SCN11A: variants seen among roughly 807,000 people sequenced by gnomAD.
SCN11A encodes sodium channel protein type 11 subunit alpha.
In SCN11A, 122 loss-of-function variants were observed where a neutral mutation model predicts 162.2. That is an observed-to-expected ratio of 0.75 (90% CI 0.65 to 0.87). SCN11A has a LOEUF of 0.87. Among genes scored for constraint, SCN11A ranks in the 40% least tolerant of loss-of-function variants. SCN11A has a pLI of 0.00. For missense variants in SCN11A, 2,015 were observed against 2,181.6 expected (o/e 0.92, Z 1.52); for synonymous variants, 758 against 751.5 (o/e 1.01, Z -0.14).
intron 19 of SCN11A, among the ~76,000 whole-genome samples, chr3:38,893,889 A>G (rs929687781): frequency 2.0e-5 from 3 of 152,202 alleles, no homozygotes; most frequent in Non-Finnish European, 4.4e-5. Context: ...AGAGAAATTT[A>G]TAGCTATCAA....
intron 27 of SCN11A, among the ~76,000 whole-genome samples, chr3:38,865,599 C>A (rs1296943291): frequency 6.8e-6 from 1 of 146,748 alleles, no homozygotes; most frequent in African/African-American, 2.5e-5. Context: ...GCCTTTAGTT[C>A]ATAAGTACAA....
intron 19 of SCN11A, among the ~76,000 whole-genome samples, chr3:38,886,741 G>A (rs2065406922): frequency 6.6e-6 from 1 of 151,946 alleles, no homozygotes; most frequent in Non-Finnish European, 1.5e-5. Flanking sequence ...GGTACAGAGA[G>A]TTTCCTTAGC....
intron 28 of SCN11A, among the ~76,000 whole-genome samples, chr3:38,855,724 C>T (rs965427894): frequency 3.3e-5 from 5 of 152,164 alleles, no homozygotes; most frequent in Non-Finnish European, 7.3e-5. Context: ...AGTCTGTCCA[C>T]GTGACAACTT....
chr3:38,988,965 T>C (rs2030363633), intron 2 of SCN11A, among the ~76,000 whole-genome samples: 3 of 152,164 alleles, frequency 2.0e-5, no homozygotes, highest in Non-Finnish European at 4.4e-5. Context: ...CTGCATATTC[T>C]TTGGCACCAC....
At chr3:38,970,907 G>A (rs956611750) in intron 2 of SCN11A, among the ~76,000 whole-genome samples, 4 of 152,188 alleles carry the variant, frequency 2.6e-5, no homozygotes, top group Non-Finnish European at 4.4e-5. Context: ...CAGACTACCT[G>A]ATCTCCCAAT....
At chr3:38,984,020 T>C (rs2030148347) in intron 2 of SCN11A, among the ~76,000 whole-genome samples, 1 of 152,232 alleles carries the variant, frequency 6.6e-6, no homozygotes, top group African/African-American at 2.4e-5. Flanking sequence ...CATTTCTAAA[T>C]CTTTTTAGTC....
chr3:38,897,285 T>A (rs2126118547), intron 17 of SCN11A, 60 bp from the exon 18 acceptor site: 1 of 1,511,060 alleles, frequency 6.6e-7, no homozygotes, highest in Middle Eastern at 1.8e-4. Flanking sequence ...AAACTCCATC[T>A]GCTCATCTAT....
At chr3:39,042,630 T>C (rs374862929) in intron 1 of SCN11A, among the ~76,000 whole-genome samples, 2 of 151,866 alleles carry the variant, frequency 1.3e-5, no homozygotes, top group South Asian at 2.1e-4. Flanking sequence ...TAAACACTTC[T>C]ATAGGGAAAA....
rs187324352 is a variant in SCN11A, at chr3:38,933,060, G to A, written c.489-6129C>T. 3.9e-5 allele frequency among the ~76,000 whole-genome samples: 6 copies of A among 152,314 alleles called. No individual in the cohort carries two copies. In the East Asian group the frequency reaches 1.2e-3, roughly 29 times the overall value. ...AAATGATCAGACAGCAGCATTCGCG[G>A]TTCACAAAAATCCGCTGTTCTGCAG... On this transcript the variant is annotated intron_variant, in intron 7 of 29. Coordinates refer to ENST00000302328, the MANE Select transcript of SCN11A (RefSeq NM_001349253.2).
At chr3:38,895,839 T>A (rs1204660985) in intron 18 of SCN11A, among the ~76,000 whole-genome samples, 1 of 152,216 alleles carries the variant, frequency 6.6e-6, no homozygotes, top group Non-Finnish European at 1.5e-5. Context: ...CTCCCACTGG[T>A]GATGCCCTGT....
chr3:38,907,357 T>TACAC (rs376599495), intron 14 of SCN11A, among the ~76,000 whole-genome samples: 10,319 of 128,256 alleles, frequency 0.08, 589 homozygotes, highest in East Asian at 0.19. Flanking sequence ...TATCTATATA[T>TACAC]ACACACACAC....
rs140203864 is a variant in SCN11A, at chr3:38,946,546, C to T, written c.386+243G>A. On this transcript the variant is annotated intron_variant, in intron 6 of 29. Transcript: ENST00000302328. ...GCCTCTCCCTGCTACCACTTTCACA[C>T]GACCAATCTCACTAAAGAAGTTGCC... 1.2e-4 allele frequency among the ~76,000 whole-genome samples: 19 copies of T among 152,318 alleles called. No individual in the cohort carries two copies. In the East Asian group the frequency reaches 2.3e-3, roughly 19 times the overall value.
At chr3:38,974,124 A>C (rs1374279757) in intron 2 of SCN11A, among the ~76,000 whole-genome samples, 3 of 152,232 alleles carry the variant, frequency 2.0e-5, no homozygotes, top group African/African-American at 7.2e-5. Context: ...AAAATGTAAA[A>C]ACTAATAGAA....
chr3:38,935,720 C>T lies in SCN11A; in HGVS notation c.489-8789G>A, dbSNP rs9683315. Among the ~76,000 whole-genome samples the T allele has an allele frequency of 2.0e-5, 3 of 151,098 alleles. No individual in the cohort carries two copies. In the East Asian group the frequency reaches 5.8e-4, roughly 29 times the overall value. On this transcript the variant is annotated intron_variant, in intron 7 of 29. Transcript: ENST00000302328. ...AATAGACCAATAACAGGCTCTGAAACTGTGGCAATAGCTTACCAACCAAAA... is the reference window on the plus strand; with the variant it reads ...AATAGACCAATAACAGGCTCTGAAATTGTGGCAATAGCTTACCAACCAAAA...
chr3:38,936,748 C>A (rs940352963), intron 7 of SCN11A, among the ~76,000 whole-genome samples: 14 of 152,180 alleles, frequency 9.2e-5, no homozygotes, highest in Non-Finnish European at 1.6e-4. Flanking sequence ...AAGAACATTC[C>A]ATGCTCATGG....
rs6809309 is a variant in SCN11A, at chr3:38,868,621, G to A, written c.3814-1163C>T. On this transcript the variant is annotated intron_variant, in intron 26 of 29. Coordinates refer to ENST00000302328, the MANE Select transcript of SCN11A (RefSeq NM_001349253.2). ...TCAAAGCTCACCCAATTTGTTCATA[G>A]GAAATGTAGGAAAAATAAACAGAGA... is the stretch of plus-strand genomic sequence containing the variant. 8.1e-3 allele frequency among the ~76,000 whole-genome samples: 1,229 copies of A among 152,228 alleles called. 20 individuals are homozygous for A. Among genetic ancestry groups the A allele is most frequent in the African/African-American group, 0.028 (1,147 of 41,552 alleles).
At chr3:38,882,807 C>T (rs1481828947) in intron 22 of SCN11A, among the ~76,000 whole-genome samples, 1 of 152,174 alleles carries the variant, frequency 6.6e-6, no homozygotes, top group Non-Finnish European at 1.5e-5. Flanking sequence ...TTATTATATC[C>T]TAATCTGGTC....
intron 2 of SCN11A, among the ~76,000 whole-genome samples, chr3:38,971,384 T>C (rs73828780): frequency 0.016 from 2,408 of 152,186 alleles, 69 homozygotes; most frequent in African/African-American, 0.056. Flanking sequence ...GGAAAGAGGC[T>C]CACAGGCCAG....
At position 38,908,087 on chromosome 3, in the gene SCN11A, A is replaced by G; in HGVS notation, c.1335T>C (p.Leu445=). The G allele has an allele frequency of 6.2e-7, 1 of 1,612,922 alleles. No homozygotes were observed. The highest frequency in any genetic ancestry group is 8.5e-7 in the Non-Finnish European group (1 of 1,179,766). Residue 445 remains leucine (L), a synonymous_variant, in exon 14 of 30, where the codon CTT becomes CTC. Transcript: ENST00000302328. The stretch of plus-strand genomic sequence containing the variant: ...TAAAATATGATGTTTCAAGGGAAGT[A>G]AGTGAACTTCTGTCAATTCCCATGG... ...LVAMGIDRSS[L]TSLETSYFTP... is the part of the protein sequence containing the mutation.
Sources: allele counts gnomAD v4.1 joint callset (sites outside exome capture counted in the v4.1 genomes callset), GRCh38; gene constraint gnomAD v4.1.1; transcripts MANE v1.5; gene names NCBI Gene and HGNC (gene_info 2026-07-23, HGNC 2026-07-21).